SGMS1: variants seen among roughly 807,000 people sequenced by gnomAD.
The protein encoded by SGMS1 is sphingomyelin synthase 1, also known as phosphatidylcholine:ceramide cholinephosphotransferase 1.
In SGMS1, 13 loss-of-function variants were observed where a neutral mutation model predicts 46.2. That is an observed-to-expected ratio of 0.28 (90% CI 0.18 to 0.45). SGMS1 has a LOEUF of 0.45. Among genes scored for constraint, SGMS1 ranks in the 20% least tolerant of loss-of-function variants. SGMS1 has a pLI of 1.00. For synonymous variants in SGMS1, 203 were observed against 187.8 expected, an observed-to-expected ratio of 1.08 and a Z score of -0.66; for missense variants, 324 against 519.9, an observed-to-expected ratio of 0.62 and a Z score of 3.66.
rs1847186065 is a variant in SGMS1 at position 50,306,719 on chromosome 10, T to C, written c.*423A>G. Reference sequence around the variant, plus strand: ...TAGAAACCTTCATAGAGACATTTGCTAGAAAATGGCTTACAGCCCAATCTT... The same window carrying C: ...TAGAAACCTTCATAGAGACATTTGCCAGAAAATGGCTTACAGCCCAATCTT... On this transcript the variant is annotated 3_prime_UTR_variant, in exon 11 of 11. Transcript: ENST00000361781. The C allele has an allele frequency of 6.5e-6, 1 of 153,698 alleles. No homozygotes were observed. Among genetic ancestry groups the C allele is most frequent in the Admixed American group, 6.5e-5 (1 of 15,310 alleles). 9.5% of individuals were successfully genotyped at this position (153,698 alleles called of 1,614,324 possible). A position where few individuals can be genotyped will look rare whatever the true frequency, so the allele number is the denominator to read the frequency against.
intron 7 of SGMS1, among the ~76,000 whole-genome samples, chr10:50,340,949 G>A (rs967677207): frequency 2.0e-5 from 3 of 152,144 alleles, no homozygotes; most frequent in African/African-American, 7.2e-5. Flanking sequence ...AAAATATTCT[G>A]TTGGGAATTA....
chr10:50,381,162 AAAC>A (rs1220285668), intron 6 of SGMS1, among the ~76,000 whole-genome samples: 14 of 152,136 alleles, frequency 9.2e-5, no homozygotes, highest in South Asian at 2.1e-4. Flanking sequence ...ACAAACAAAC[AAAC>A]AAATACTAAT....
chr10:50,318,498 G>A (rs1307146305), intron 8 of SGMS1, among the ~76,000 whole-genome samples: 1 of 152,170 alleles, frequency 6.6e-6, no homozygotes, highest in African/African-American at 2.4e-5. Context: ...TCTTTTGGGG[G>A]GTTCTTAAGG....
intron 8 of SGMS1, among the ~76,000 whole-genome samples, chr10:50,319,961 C>T (rs1847413546): frequency 6.6e-6 from 1 of 152,270 alleles, no homozygotes; most frequent in South Asian, 2.1e-4. Flanking sequence ...TGAATTATTA[C>T]TGTAGTGGTT....
At chr10:50,477,809 G>A (rs1178593333) in intron 3 of SGMS1, among the ~76,000 whole-genome samples, 1 of 152,146 alleles carries the variant, frequency 6.6e-6, no homozygotes, top group Non-Finnish European at 1.5e-5. Context: ...ATGTGAAGAT[G>A]TGCCTGATCC....
rs184511585 is a variant in SGMS1, at chr10:50,522,632, C to T, written c.-588-2711G>A. 4.9e-4 allele frequency among the ~76,000 whole-genome samples: 75 copies of T among 152,248 alleles called. 1 individual carries two copies. Among genetic ancestry groups the T allele is most frequent in the South Asian group, 4.1e-3 (20 of 4,824 alleles). Reference sequence around the variant, plus strand: ...CTTGATCCTGCCAAGCTTCATTTTACACTTGGTTAAGATGAGTCTATTTCA... The same window carrying T: ...CTTGATCCTGCCAAGCTTCATTTTATACTTGGTTAAGATGAGTCTATTTCA... On this transcript the variant is annotated intron_variant, in intron 2 of 10. Coordinates refer to ENST00000361781, the MANE Select transcript of SGMS1 (RefSeq NM_147156.4).
chr10:50,481,077 T>C (rs922837153), intron 3 of SGMS1, among the ~76,000 whole-genome samples: 2 of 152,246 alleles, frequency 1.3e-5, no homozygotes, highest in Non-Finnish European at 2.9e-5. Context: ...AGACTCAATC[T>C]TTCCTGCCTG....
intron 7 of SGMS1, among the ~76,000 whole-genome samples, chr10:50,339,201 C>G (rs1370828119): frequency 6.6e-6 from 1 of 152,188 alleles, no homozygotes; most frequent in Non-Finnish European, 1.5e-5. Context: ...AAAATCCAAA[C>G]TCCTTATCCA....
intron 6 of SGMS1, among the ~76,000 whole-genome samples, chr10:50,431,838 A>G (rs1849407310): frequency 6.6e-6 from 1 of 152,192 alleles, no homozygotes; most frequent in Non-Finnish European, 1.5e-5. Context: ...ATAGGCAGTG[A>G]GCAGAATGAC....
intron 2 of SGMS1, 31 bp from the exon 3 acceptor site, chr10:50,519,952 G>C (rs1463046467): frequency 6.6e-6 from 1 of 152,270 alleles, no homozygotes. Context: ...AATGAGGAAG[G>C]AAGCAACCAG....
chr10:50,624,219 G>T, upstream of SGMS1: 2 of 689,444 alleles, frequency 2.9e-6, no homozygotes, highest in Non-Finnish European at 3.6e-6. Flanking sequence ...GGCCTAGCGG[G>T]AGCCAGATTT....
intron 8 of SGMS1, among the ~76,000 whole-genome samples, chr10:50,317,693 C>T (rs912923188): frequency 1.3e-5 from 2 of 152,138 alleles, no homozygotes; most frequent in African/African-American, 4.8e-5. Context: ...TTTATTAATA[C>T]ACGATTGAAT....
rs2133263859 is a variant in SGMS1 at position 50,306,046 on chromosome 10, C to T, written c.*1096G>A. Reference sequence around the variant, plus strand: ...GAGAGTATGGATAACTAATTCATAGCTTTCAAGTTTTAGGTAAGTGATCAT... The same window carrying T: ...GAGAGTATGGATAACTAATTCATAGTTTTCAAGTTTTAGGTAAGTGATCAT... On this transcript the variant is annotated 3_prime_UTR_variant, in exon 11 of 11. Transcript: ENST00000361781. The T allele has an allele frequency of 6.5e-6, 1 of 152,708 alleles. No homozygotes were observed. The allele number at this position is 152,708 out of a possible 1,614,324, so 9.5% of individuals were successfully genotyped here.
rs1190814415 is a variant in SGMS1 at position 50,623,910 on chromosome 10, C to T, written c.-887G>A. The T allele has an allele frequency of 2.0e-6, 2 of 986,946 alleles. No homozygotes were observed. Among genetic ancestry groups the T allele is most frequent in the Non-Finnish European group, 2.4e-6 (2 of 831,306 alleles). The allele number at this position is 986,946 out of a possible 1,614,324, so 61.1% of individuals were successfully genotyped here. On this transcript the variant is annotated 5_prime_UTR_variant, in exon 1 of 11. Coordinates refer to ENST00000361781, the MANE Select transcript of SGMS1 (RefSeq NM_147156.4). ...CCGCCTGCCGCCCGCAGCCGCTGCC[C>T]CGCTGGTGCGAACGCTTTCGACTTG...
intron 1 of SGMS1, among the ~76,000 whole-genome samples, chr10:50,614,608 TG>T (rs1446646033): frequency 6.6e-6 from 1 of 152,180 alleles, no homozygotes; most frequent in African/African-American, 2.4e-5. Flanking sequence ...CTGGCAGAGG[TG>T]GGTCCCAGCC....
chr10:50,591,783 C>T (rs1382884629), intron 1 of SGMS1, among the ~76,000 whole-genome samples: 1 of 152,118 alleles, frequency 6.6e-6, no homozygotes, highest in African/African-American at 2.4e-5. Context: ...GACACAGCTC[C>T]GCAAATAAAG....
intron 2 of SGMS1, among the ~76,000 whole-genome samples, chr10:50,567,467 A>G (rs1252993295): frequency 2.6e-5 from 4 of 152,140 alleles, no homozygotes; most frequent in Non-Finnish European, 4.4e-5. Context: ...GCTTTTTAAG[A>G]TTTTTAATCA....
rs865950841 is a variant in SGMS1 at position 50,307,113 on chromosome 10, A to G, written c.*29T>C. The G allele has an allele frequency of 8.7e-6, 14 of 1,603,824 alleles. 2 individuals are homozygous for G. The Middle Eastern group carries it at 2.3e-3, about 269-fold the overall frequency. On this transcript the variant is annotated 3_prime_UTR_variant, in exon 11 of 11. Transcript: ENST00000361781. This position sits in a 1 kb window ranked among gnomAD's most constrained non-coding sequence, Gnocchi z 4.2. Reference sequence around the variant, plus strand: ...CATGGAGTTCTTAGCACTTCGGACAATTTGTCTTTTCCCCACTTTGTACAG... The same window carrying G: ...CATGGAGTTCTTAGCACTTCGGACAGTTTGTCTTTTCCCCACTTTGTACAG...
intron 7 of SGMS1, among the ~76,000 whole-genome samples, chr10:50,338,538 T>G: frequency 7.1e-6 from 1 of 141,236 alleles, no homozygotes; most frequent in East Asian, 2.1e-4. Flanking sequence ...AAATCAAGGA[T>G]TCACAGAGAC....
Sources: gnomAD v4.1 joint callset for allele counts (sites outside exome capture counted in the v4.1 genomes callset) on GRCh38, gnomAD v4.1.1 for gene constraint, Gnocchi (gnomAD v3.1) non-coding constraint, MANE v1.5 for transcripts, NCBI Gene and HGNC (gene_info 2026-07-23, HGNC 2026-07-21) for gene names.